Variants in PRKCA observed in about 807,000 individuals in gnomAD.
PRKCA encodes protein kinase C alpha, also known as protein kinase C alpha type.
A neutral mutation model predicts 87.0 loss-of-function variants in PRKCA; 27 were observed. That is an observed-to-expected ratio of 0.31 (90% CI 0.23 to 0.43). The LOEUF is 0.43. Ranked by LOEUF, PRKCA falls within the 20% of genes least tolerant of loss-of-function variation. The probability of loss-of-function intolerance (pLI) is 1.00; values close to 1 mark genes in which losing one functional copy is unlikely to be tolerated. For missense variants in PRKCA, 518 were observed against 852.3 expected, an observed-to-expected ratio of 0.61 and a Z score of 4.88; for synonymous variants, 329 against 311.1, an observed-to-expected ratio of 1.06 and a Z score of -0.61.
chr17:66,382,749 A>G (rs1204581861), intron 2 of PRKCA, among the ~76,000 whole-genome samples: 1 of 152,096 alleles, frequency 6.6e-6, no homozygotes, highest in Non-Finnish European at 1.5e-5. Flanking sequence ...GACATTTTTT[A>G]TTGTTATACT....
chr17:66,761,305 G>A (rs1974677841), intron 13 of PRKCA, among the ~76,000 whole-genome samples: 1 of 151,090 alleles, frequency 6.6e-6, no homozygotes. Flanking sequence ...GGGAGGCAGA[G>A]GTTGCAGTGA....
chr17:66,524,936 C>T (rs1967293906), intron 3 of PRKCA, among the ~76,000 whole-genome samples: 1 of 152,176 alleles, frequency 6.6e-6, no homozygotes, highest in Non-Finnish European at 1.5e-5. Flanking sequence ...CAAAGAATAG[C>T]CACAGATCCT....
At position 66,701,938 on chromosome 17, in the gene PRKCA, A is replaced by G. The variant is rs576426900; in HGVS notation, c.918+12891A>G. Among the ~76,000 whole-genome samples the G allele has an allele frequency of 3.9e-5, 6 of 152,226 alleles. No homozygotes were observed. In the East Asian group the frequency reaches 1.2e-3, roughly 29 times the overall value. ...AAATACTTGAAAATAAAGCTACCATACGATCCAGCAGTCCTGATTCTGGGT... is the reference window on the plus strand; with the variant it reads ...AAATACTTGAAAATAAAGCTACCATGCGATCCAGCAGTCCTGATTCTGGGT... On this transcript the variant is annotated intron_variant, in intron 8 of 16. Coordinates refer to ENST00000413366, the MANE Select transcript of PRKCA (RefSeq NM_002737.3).
chr17:66,765,416 G>GTGTATATATA (rs1276368624), intron 13 of PRKCA, among the ~76,000 whole-genome samples: 7 of 16,030 alleles, frequency 4.4e-4, no homozygotes, highest in African/African-American at 1.5e-3. Flanking sequence ...GCAAGACTTT[G>GTGTATATATA]TCTATATATA....
chr17:66,522,352 A>C (rs998065940), intron 3 of PRKCA, among the ~76,000 whole-genome samples: 1 of 152,304 alleles, frequency 6.6e-6, no homozygotes, highest in Non-Finnish European at 1.5e-5. Context: ...GTTAGCATTT[A>C]GTAGTATCTT....
intron 3 of PRKCA, among the ~76,000 whole-genome samples, chr17:66,501,591 C>T (rs77408431): frequency 0.015 from 2,331 of 152,320 alleles, 50 homozygotes; most frequent in African/African-American, 0.052. Flanking sequence ...CAGCTGTCTT[C>T]TTACCTGGTG....
chr17:66,541,021 A>G (rs1046985264), intron 3 of PRKCA, among the ~76,000 whole-genome samples: 1 of 152,120 alleles, frequency 6.6e-6, no homozygotes. Context: ...GGCTGTTACT[A>G]GCTGTTTCCA....
At chr17:66,611,194 A>G (rs1174137903) in intron 3 of PRKCA, among the ~76,000 whole-genome samples, 1 of 152,174 alleles carries the variant, frequency 6.6e-6, no homozygotes, top group Non-Finnish European at 1.5e-5. Flanking sequence ...ATCAAGATAC[A>G]ATTCATGTAC....
At chr17:66,695,128 G>T (rs988065525) in intron 8 of PRKCA, among the ~76,000 whole-genome samples, 1 of 152,130 alleles carries the variant, frequency 6.6e-6, no homozygotes, top group African/African-American at 2.4e-5. Context: ...CTTGTGCAGA[G>T]CCTTTCTCCT....
intron 5 of PRKCA, among the ~76,000 whole-genome samples, chr17:66,647,518 G>A (rs1388589160): frequency 2.0e-5 from 3 of 152,170 alleles, no homozygotes; most frequent in East Asian, 1.9e-4. Context: ...GACACGCCCC[G>A]TGCCGTCTTC....
chr17:66,768,260 TTG>T (rs1974854022), intron 13 of PRKCA, among the ~76,000 whole-genome samples: 1 of 122,210 alleles, frequency 8.2e-6, no homozygotes, highest in African/African-American at 3.3e-5. Context: ...TTTTTTTTTT[TTG>T]GGGGGGAGAG....
At chr17:66,472,647 A>G (rs1374774385) in intron 2 of PRKCA, among the ~76,000 whole-genome samples, 3 of 152,186 alleles carry the variant, frequency 2.0e-5, no homozygotes, top group Non-Finnish European at 4.4e-5. Flanking sequence ...TCAAATTAAC[A>G]AGACGTAACA....
intron 13 of PRKCA, among the ~76,000 whole-genome samples, chr17:66,757,969 C>T (rs943045573): frequency 6.6e-6 from 1 of 152,208 alleles, no homozygotes; most frequent in African/African-American, 2.4e-5. Flanking sequence ...TCGTGATCCA[C>T]CCGCATCAGC....
chr17:66,700,635 T>C (rs55688818), intron 8 of PRKCA, among the ~76,000 whole-genome samples: 5,558 of 152,250 alleles, frequency 0.037, 333 homozygotes, highest in African/African-American at 0.12. Context: ...AAAAATCAGT[T>C]GTGTTTCTCT....
At position 66,498,139 on chromosome 17, in the gene PRKCA, C is replaced by T. The variant is rs147300304; in HGVS notation, c.288+1856C>T. On this transcript the variant is annotated intron_variant, in intron 3 of 16. Coordinates refer to ENST00000413366, the MANE Select transcript of PRKCA (RefSeq NM_002737.3). ...TTCCCCTGCCCTCCCCCCTGCTCCCCGCCTCCTGCCCCCTGCCCCGGCCAC... is the reference window on the plus strand; with the variant it reads ...TTCCCCTGCCCTCCCCCCTGCTCCCTGCCTCCTGCCCCCTGCCCCGGCCAC... Among the ~76,000 whole-genome samples, 447 of 152,098 alleles carry T rather than the reference C, an allele frequency of 2.9e-3. 3 individuals are homozygous for T. The highest frequency in any genetic ancestry group is 0.01 in the African/African-American group (423 of 41,470).
At chr17:66,365,565 C>T (rs1908662967) in intron 2 of PRKCA, among the ~76,000 whole-genome samples, 1 of 152,182 alleles carries the variant, frequency 6.6e-6, no homozygotes, top group Non-Finnish European at 1.5e-5. Flanking sequence ...TACTTATAGG[C>T]AGCTATATTT....
Position 66,603,309 on chromosome 17 carries a change from A to G in PRKCA, c.289-38046A>G, listed in dbSNP as rs908479127. Among the ~76,000 whole-genome samples the G allele has an allele frequency of 3.3e-5, 5 of 152,296 alleles. No individual in the cohort carries two copies. In the South Asian group the frequency reaches 1.0e-3, roughly 32 times the overall value. On this transcript the variant is annotated intron_variant, in intron 3 of 16. Coordinates refer to ENST00000413366, the MANE Select transcript of PRKCA (RefSeq NM_002737.3). ...TTGAGGGTAAAAGGAGCCAGAGAAC[A>G]CTATCATCGCAGATGCTTCATGTGA...
intron 13 of PRKCA, 106 bp from the exon 14 acceptor site, chr17:66,773,881 A>G: frequency 1.3e-6 from 2 of 1,544,454 alleles, no homozygotes; most frequent in Non-Finnish European, 1.8e-6. Flanking sequence ...TTAGCACCTC[A>G]TCTGCATGAA....
chr17:66,342,480 T>A (rs935603498), intron 2 of PRKCA, among the ~76,000 whole-genome samples: 2 of 123,528 alleles, frequency 1.6e-5, no homozygotes, highest in Admixed American at 8.0e-5. Flanking sequence ...ATAATAATAA[T>A]AATAAATTCA....
Sources: allele counts gnomAD v4.1 joint callset (sites outside exome capture counted in the v4.1 genomes callset), GRCh38; gene constraint gnomAD v4.1.1; transcripts MANE v1.5; gene names NCBI Gene and HGNC (gene_info 2026-07-23, HGNC 2026-07-21).